The following ZNF804B variants were observed in gnomAD, a reference collection of about 807,000 sequenced individuals.
The protein encoded by ZNF804B is zinc finger 804B.
In ZNF804B, 80 loss-of-function variants were observed where a neutral mutation model predicts 101.4. The ratio of observed to expected loss-of-function variants is 0.79; its 90% CI spans 0.66 to 0.95. The LOEUF is 0.95. ZNF804B is among the 40% of genes least tolerant of loss of function. The pLI, the probability that ZNF804B is intolerant of heterozygous loss-of-function variation, is 0.00. For synonymous variants in ZNF804B, 622 were observed against 558.8 expected (o/e 1.11, Z -1.59); for missense variants, 1,673 against 1,561.9 (o/e 1.07, Z -1.20).
intron 1 of ZNF804B, among the ~76,000 whole-genome samples, chr7:88,782,133 G>GTGTGTA (rs1264530191): frequency 5.4e-5 from 8 of 147,218 alleles, no homozygotes; most frequent in African/African-American, 2.1e-4. Flanking sequence ...GTGTGTGTGT[G>GTGTGTA]TGTTGTGTAA....
intron 2 of ZNF804B, among the ~76,000 whole-genome samples, chr7:89,223,902 C>T (rs1361551217): frequency 6.6e-6 from 1 of 151,900 alleles, no homozygotes; most frequent in Admixed American, 6.6e-5. Flanking sequence ...AGTATTATTC[C>T]TAATGCAGTT....
At chr7:88,797,382 T>A (rs1422169474) in intron 1 of ZNF804B, among the ~76,000 whole-genome samples, 1 of 152,172 alleles carries the variant, frequency 6.6e-6, no homozygotes, top group East Asian at 1.9e-4. Flanking sequence ...ATAAGCCCTT[T>A]GATACATCTA....
intron 1 of ZNF804B, among the ~76,000 whole-genome samples, chr7:89,216,911 G>T (rs1213616699): frequency 6.6e-6 from 1 of 152,062 alleles, no homozygotes; most frequent in Non-Finnish European, 1.5e-5. Context: ...TATTTACTTG[G>T]TATTCTCAAA....
At chr7:89,088,735 C>T (rs1789841810) in intron 1 of ZNF804B, among the ~76,000 whole-genome samples, 1 of 151,200 alleles carries the variant, frequency 6.6e-6, no homozygotes, top group African/African-American at 2.4e-5. Context: ...TCCTTGTTGC[C>T]TCAGACCACC....
intron 1 of ZNF804B, among the ~76,000 whole-genome samples, chr7:89,087,718 T>C (rs921623096): frequency 6.6e-6 from 1 of 151,970 alleles, no homozygotes; most frequent in East Asian, 1.9e-4. Flanking sequence ...TTTATGTTTA[T>C]CTTCTGTGTG....
chr7:88,995,176 GA>G (rs1793903522), intron 1 of ZNF804B, among the ~76,000 whole-genome samples: 1 of 152,042 alleles, frequency 6.6e-6, no homozygotes, highest in Admixed American at 6.6e-5. Context: ...ATGAGAGAGG[GA>G]TAGAGGTGTT....
intron 1 of ZNF804B, among the ~76,000 whole-genome samples, chr7:89,046,071 G>A (rs917454393): frequency 2.6e-5 from 4 of 152,028 alleles, no homozygotes; most frequent in East Asian, 1.9e-4. Context: ...TGCTATTCCC[G>A]TGATAAGTGA....
At chr7:88,834,461 T>A (rs1024623101) in intron 1 of ZNF804B, among the ~76,000 whole-genome samples, 2 of 151,794 alleles carry the variant, frequency 1.3e-5, no homozygotes, top group African/African-American at 4.8e-5. Context: ...ATTCTAATAA[T>A]CTTGTGAATG....
chr7:89,098,742 A>T (rs1332335265), intron 1 of ZNF804B, among the ~76,000 whole-genome samples: 1 of 152,120 alleles, frequency 6.6e-6, no homozygotes, highest in Non-Finnish European at 1.5e-5. Context: ...ATCTTATCTA[A>T]AACTTGTCAT....
intron 1 of ZNF804B, among the ~76,000 whole-genome samples, chr7:88,877,007 A>AATATATATATATATATAATATAT (rs1791950601): frequency 1.3e-5 from 1 of 75,216 alleles, no homozygotes; most frequent in Non-Finnish European, 2.2e-5. Context: ...TGAAAAAAAA[A>AATATATATATATATATAATATAT]ATATATATAT....
At position 88,922,291 on chromosome 7, in the gene ZNF804B, G is replaced by A. The variant is rs376379252; in HGVS notation, c.108+162207G>A. ...TTTTGCTGGGAACTGTCATATTTCT[G>A]AATTTGATGTAATAATTTAAAAATA... is the stretch of plus-strand genomic sequence containing the variant. On this transcript the variant is annotated intron_variant, in intron 1 of 3. Coordinates refer to ENST00000333190, the MANE Select transcript of ZNF804B (RefSeq NM_181646.5). Among the ~76,000 whole-genome samples, 4 of 152,000 alleles carry A rather than the reference G, an allele frequency of 2.6e-5. No individual in the cohort carries two copies. The East Asian group carries it at 7.7e-4, about 29-fold the overall frequency.
intron 2 of ZNF804B, among the ~76,000 whole-genome samples, chr7:89,276,562 A>T (rs990323670): frequency 6.6e-6 from 1 of 151,934 alleles, no homozygotes; most frequent in Non-Finnish European, 1.5e-5. Context: ...ATAAATTGAA[A>T]ATATATTTTA....
intron 1 of ZNF804B, among the ~76,000 whole-genome samples, chr7:88,835,635 A>G (rs942406694): frequency 6.6e-6 from 1 of 151,858 alleles, no homozygotes; most frequent in African/African-American, 2.4e-5. Flanking sequence ...AAAATTTGCA[A>G]TGGTGTAGTT....
chr7:88,965,421 G>A (rs1328623236), intron 1 of ZNF804B, among the ~76,000 whole-genome samples: 1 of 151,450 alleles, frequency 6.6e-6, no homozygotes, highest in Non-Finnish European at 1.5e-5. Flanking sequence ...AGGGCTAGGA[G>A]CTATTTTTTT....
At chr7:88,947,899 A>G (rs1384681698) in intron 1 of ZNF804B, among the ~76,000 whole-genome samples, 2 of 151,888 alleles carry the variant, frequency 1.3e-5, no homozygotes, top group African/African-American at 4.8e-5. Context: ...CATGCAACCA[A>G]TTCTCAAGGA....
At chr7:88,875,844 A>C (rs917328208) in intron 1 of ZNF804B, among the ~76,000 whole-genome samples, 1 of 152,220 alleles carries the variant, frequency 6.6e-6, no homozygotes, top group South Asian at 2.1e-4. Flanking sequence ...AAAGCTGGGC[A>C]GAGACACAAC....
chr7:88,946,638 C>A (rs774617819), intron 1 of ZNF804B, among the ~76,000 whole-genome samples: 3 of 151,500 alleles, frequency 2.0e-5, no homozygotes, highest in Non-Finnish European at 4.4e-5. Context: ...GGAAGGAGTC[C>A]CTCTTTTTCT....
At chr7:88,764,457 CTT>C (rs1789949821) in intron 1 of ZNF804B, among the ~76,000 whole-genome samples, 1 of 152,030 alleles carries the variant, frequency 6.6e-6, no homozygotes, top group Admixed American at 6.6e-5. Flanking sequence ...GTTATCTTAT[CTT>C]AAGTTGTATA....
At chr7:89,056,775 A>T (rs556208569) in intron 1 of ZNF804B, among the ~76,000 whole-genome samples, 1 of 152,268 alleles carries the variant, frequency 6.6e-6, no homozygotes, top group East Asian at 1.9e-4. Flanking sequence ...TGGGGGAAAC[A>T]CTATAACAAG....
Sources: allele counts gnomAD v4.1 joint callset (sites outside exome capture counted in the v4.1 genomes callset), GRCh38; gene constraint gnomAD v4.1.1; transcripts MANE v1.5; gene names NCBI Gene and HGNC (gene_info 2026-07-23, HGNC 2026-07-21).